TP53BP2: variants seen among roughly 807,000 people sequenced by gnomAD.
TP53BP2 encodes the protein apoptosis-stimulating of p53 protein 2.
A neutral mutation model predicts 126.2 loss-of-function variants in TP53BP2; 62 were observed. The ratio of observed to expected loss-of-function variants is 0.49; its 90% CI spans 0.40 to 0.61. TP53BP2 has a LOEUF of 0.61. Ranked by LOEUF, TP53BP2 falls within the 20% of genes least tolerant of loss-of-function variation. The pLI is 0.00. For synonymous variants in TP53BP2, 485 were observed against 502.9 expected (o/e 0.96, Z 0.48); for missense variants, 1,215 against 1,402.8 (o/e 0.87, Z 2.14).
At chr1:223,832,820 C>T (rs955403584) in intron 1 of TP53BP2, among the ~76,000 whole-genome samples, 1 of 152,332 alleles carries the variant, frequency 6.6e-6, no homozygotes, top group Admixed American at 6.5e-5. Context: ...ACATGCTGCA[C>T]CCTAGCTGTG....
chr1:223,783,082 A>G (rs1471159692), intron 17 of TP53BP2, among the ~76,000 whole-genome samples: 1 of 152,226 alleles, frequency 6.6e-6, no homozygotes, highest in African/African-American at 2.4e-5. Flanking sequence ...TGGATCACTC[A>G]CAGACAGAAT....
rs1366780739 is a variant in TP53BP2, at chr1:223,780,576, A to C, written c.*277T>G. ...ATTTACTAGACAGGATTCTTGTAGA[A>C]AACAGGATTGTCGCTGTATACTTAT... On this transcript the variant is annotated 3_prime_UTR_variant, in exon 18 of 18. Coordinates refer to ENST00000343537, the MANE Select transcript of TP53BP2 (RefSeq NM_001031685.3). 2.8e-6 allele frequency: 1 copy of C among 356,248 alleles called. No homozygotes were observed. The highest frequency in any genetic ancestry group is 2.1e-5 in the African/African-American group (1 of 47,374). The allele number at this position is 356,248 out of a possible 1,614,324, so 22.1% of individuals were successfully genotyped here.
At chr1:223,837,532 T>C (rs527436897) in intron 1 of TP53BP2, among the ~76,000 whole-genome samples, 13 of 152,288 alleles carry the variant, frequency 8.5e-5, no homozygotes, top group Admixed American at 6.5e-4. Flanking sequence ...TGAGGGTCAC[T>C]AAAACAATTT....
At chr1:223,832,497 T>C (rs755066978) in intron 1 of TP53BP2, among the ~76,000 whole-genome samples, 4 of 152,146 alleles carry the variant, frequency 2.6e-5, no homozygotes, top group Non-Finnish European at 5.9e-5. Flanking sequence ...GGCCCGAAAA[T>C]ATTTCTTGTA....
chr1:223,808,906 C>G (rs1048975525), intron 4 of TP53BP2, among the ~76,000 whole-genome samples: 11 of 151,934 alleles, frequency 7.2e-5, no homozygotes, highest in African/African-American at 2.7e-4. Flanking sequence ...AAATTAAAAC[C>G]ACAATGCGAT....
In TP53BP2 at chr1:223,809,517, A is replaced by G. The variant is rs1025624266; in HGVS notation, c.372+914T>C. Among the ~76,000 whole-genome samples, 4 of 151,868 alleles carry G rather than the reference A, an allele frequency of 2.6e-5. No individual in the cohort carries two copies. In the South Asian group the frequency reaches 8.3e-4, roughly 32 times the overall value. ...AGGAGGTGGAGGTTGCAGTGAGCCG[A>G]GATCACACCACTGCACTCCAGCCTG... On this transcript the variant is annotated intron_variant, in intron 4 of 17. Coordinates refer to ENST00000343537, the MANE Select transcript of TP53BP2 (RefSeq NM_001031685.3).
At chr1:223,835,563 T>C (rs929729335) in intron 1 of TP53BP2, among the ~76,000 whole-genome samples, 1 of 152,224 alleles carries the variant, frequency 6.6e-6, no homozygotes. Flanking sequence ...CACTACATTT[T>C]TAAGATCTAT....
intron 11 of TP53BP2, among the ~76,000 whole-genome samples, chr1:223,799,117 CTTTTG>C (rs1016534191): frequency 1.1e-4 from 16 of 151,996 alleles, no homozygotes; most frequent in African/African-American, 3.6e-4. Flanking sequence ...TGTTAATTAG[CTTTTG>C]TTTTGTTTTA....
chr1:223,832,595 G>A (rs1026860358), intron 1 of TP53BP2, among the ~76,000 whole-genome samples: 1 of 152,206 alleles, frequency 6.6e-6, no homozygotes, highest in African/African-American at 2.4e-5. Flanking sequence ...ATTAAATTAA[G>A]ATATAACCAA....
chr1:223,833,708 A>C (rs1663821583), intron 1 of TP53BP2, among the ~76,000 whole-genome samples: 1 of 152,172 alleles, frequency 6.6e-6, no homozygotes, highest in Admixed American at 6.5e-5. Flanking sequence ...TCCTGGTTCT[A>C]TGCCTTCCCC....
intron 12 of TP53BP2, 100 bp downstream of exon 12, chr1:223,798,115 C>A: frequency 8.6e-7 from 1 of 1,166,700 alleles, no homozygotes; most frequent in Non-Finnish European, 1.2e-6. Flanking sequence ...CCCTTAGCGT[C>A]AGTCAAAATA....
At chr1:223,787,153 C>T (rs1322325543) in intron 16 of TP53BP2, among the ~76,000 whole-genome samples, 1 of 152,128 alleles carries the variant, frequency 6.6e-6, no homozygotes, top group African/African-American at 2.4e-5. Context: ...GCCTCGGCCT[C>T]CCAAAGTGTT....
At chr1:223,804,141 T>C in intron 6 of TP53BP2, 33 bp downstream of exon 6, 1 of 1,582,792 alleles carries the variant, frequency 6.3e-7, no homozygotes, top group Non-Finnish European at 8.6e-7. Flanking sequence ...CAAATAAATG[T>C]ATAAAAAAGT....
chr1:223,830,915 G>A (rs1021828097), intron 1 of TP53BP2, among the ~76,000 whole-genome samples: 5 of 152,052 alleles, frequency 3.3e-5, no homozygotes, highest in African/African-American at 7.2e-5. Flanking sequence ...TGGCTAACAC[G>A]GTGAAACCCG....
chr1:223,829,052 C>A (rs1222567374), intron 1 of TP53BP2, among the ~76,000 whole-genome samples: 1 of 152,098 alleles, frequency 6.6e-6, no homozygotes, highest in Non-Finnish European at 1.5e-5. Context: ...TCAGGCCGGG[C>A]ATGGTGGCTC....
chr1:223,805,562 G>A (rs567819797), intron 5 of TP53BP2, among the ~76,000 whole-genome samples: 2 of 152,312 alleles, frequency 1.3e-5, no homozygotes, highest in South Asian at 4.1e-4. Context: ...TGGATGCACA[G>A]GAACCCTAGG....
intron 16 of TP53BP2, among the ~76,000 whole-genome samples, chr1:223,786,867 A>G (rs1039085156): frequency 4.7e-5 from 7 of 150,340 alleles, no homozygotes; most frequent in Non-Finnish European, 8.8e-5. Flanking sequence ...CGGCCTCCCA[A>G]AGTGCTGGGA....
Position 223,822,494 on chromosome 1 carries a change from C to T in TP53BP2, c.28-1127G>A, listed in dbSNP as rs576191236. Among the ~76,000 whole-genome samples the T allele has an allele frequency of 1.2e-3, 179 of 152,092 alleles. 1 individual carries two copies. Among genetic ancestry groups the T allele is most frequent in the Middle Eastern group, 3.4e-3 (1 of 292 alleles). On this transcript the variant is annotated intron_variant, in intron 1 of 17. Transcript: ENST00000343537. ...CAGTCTGGGCAACGAAGCAACACTCCGTTTCTACCAAAAATTAAAAGAAAA... is the reference window on the plus strand; with the variant it reads ...CAGTCTGGGCAACGAAGCAACACTCTGTTTCTACCAAAAATTAAAAGAAAA...
At chr1:223,842,276 A>C (rs1332331696) in intron 1 of TP53BP2, among the ~76,000 whole-genome samples, 1 of 152,220 alleles carries the variant, frequency 6.6e-6, no homozygotes, top group South Asian at 2.1e-4. Flanking sequence ...TAAGGGCTAT[A>C]TGATGACATC....
Sources: allele counts gnomAD v4.1 joint callset (sites outside exome capture counted in the v4.1 genomes callset), GRCh38; gene constraint gnomAD v4.1.1; transcripts MANE v1.5; gene names NCBI Gene and HGNC (gene_info 2026-07-23, HGNC 2026-07-21).